Variants in CDK19 observed in about 807,000 individuals in gnomAD.
CDK19 encodes the protein cyclin-dependent kinase 19.
Under a neutral mutation model 68.3 loss-of-function variants are expected in CDK19, and 20 were observed. The ratio of observed to expected loss-of-function variants is 0.29; its 90% CI spans 0.21 to 0.43. The LOEUF (loss-of-function observed/expected upper bound fraction) is 0.43. Among genes scored for constraint, CDK19 ranks in the 20% least tolerant of loss-of-function variants. CDK19 has a pLI of 1.00. For synonymous variants in CDK19, 221 were observed against 222.8 expected (o/e 0.99, Z 0.07); for missense variants, 339 against 623.5 (o/e 0.54, Z 4.86).
intron 2 of CDK19, among the ~76,000 whole-genome samples, chr6:110,731,099 A>AGAAAAGAAAAGAAAG (rs1248148334): frequency 6.7e-6 from 1 of 148,404 alleles, no homozygotes; most frequent in Non-Finnish European, 1.5e-5. Context: ...GAAGGAAGAA[A>AGAAAAGAAAAGAAAG]GAAAAGAAAA....
At chr6:110,789,336 T>C (rs1449188537) in intron 1 of CDK19, among the ~76,000 whole-genome samples, 1 of 152,046 alleles carries the variant, frequency 6.6e-6, no homozygotes, top group Non-Finnish European at 1.5e-5. Context: ...TGGAGTGCAG[T>C]GGCACAATCT....
chr6:110,660,213 T>G (rs1781534464), intron 4 of CDK19, among the ~76,000 whole-genome samples: 2 of 151,986 alleles, frequency 1.3e-5, no homozygotes, highest in Non-Finnish European at 2.9e-5. Flanking sequence ...GGAACTGGAG[T>G]GCATGGGTGC....
intron 2 of CDK19, among the ~76,000 whole-genome samples, chr6:110,697,570 AGAT>A (rs1327329155): frequency 1.3e-5 from 2 of 152,156 alleles, no homozygotes; most frequent in Admixed American, 6.5e-5. Context: ...AATATTGTGT[AGAT>A]GACCATATTG....
At chr6:110,632,730 CCT>C (rs1402717923) in intron 5 of CDK19, among the ~76,000 whole-genome samples, 1 of 151,946 alleles carries the variant, frequency 6.6e-6, no homozygotes, top group East Asian at 1.9e-4. Context: ...GACTCCATCC[CCT>C]GTCCCCCAAG....
intron 8 of CDK19, 124 bp from the exon 9 acceptor site, chr6:110,623,486 A>T: frequency 3.7e-6 from 5 of 1,350,472 alleles, no homozygotes; most frequent in Non-Finnish European, 4.9e-6. Flanking sequence ...TTTCTGAATA[A>T]GAAGAAACAC....
chr6:110,716,652 G>C (rs1453072235), intron 2 of CDK19, among the ~76,000 whole-genome samples: 1 of 152,022 alleles, frequency 6.6e-6, no homozygotes, highest in Non-Finnish European at 1.5e-5. Context: ...AATTCCTCAA[G>C]TTAAACATGA....
chr6:110,784,158 CAAAAAAAAA>C (rs1170140844), intron 1 of CDK19, among the ~76,000 whole-genome samples: 2 of 61,494 alleles, frequency 3.3e-5, no homozygotes, highest in Non-Finnish European at 6.7e-5. Flanking sequence ...GACTTCGTCT[CAAAAAAAAA>C]AAAAAAAAAA....
chr6:110,667,650 CA>C, intron 3 of CDK19, 76 bp from the exon 4 acceptor site: 3 of 699,574 alleles, frequency 4.3e-6, no homozygotes, highest in Non-Finnish European at 6.6e-6. Context: ...AATGCTGTAA[CA>C]AATGCTCTAT....
chr6:110,618,399 T>C (rs1370893541), intron 12 of CDK19, among the ~76,000 whole-genome samples: 1 of 152,198 alleles, frequency 6.6e-6, no homozygotes, highest in Non-Finnish European at 1.5e-5. Flanking sequence ...TCCCAAAGTG[T>C]TGGGATTACA....
rs553939582 is a variant in CDK19 at position 110,661,972 on chromosome 6, T to G, written c.456+5462A>C. ...ACATTTTATTTATTTATTTGTATTT[T>G]TATTTTTTGGGGGGGGAGACTGAGT... On this transcript the variant is annotated intron_variant, in intron 4 of 12. Coordinates refer to ENST00000368911, the MANE Select transcript of CDK19 (RefSeq NM_015076.5). Among the ~76,000 whole-genome samples, 34 of 140,620 alleles carry G rather than the reference T, an allele frequency of 2.4e-4. 1 individual carries two copies. In the East Asian group the frequency reaches 6.5e-3, roughly 27 times the overall value. The allele number at this position is 140,620 out of a possible 152,430, so 92.3% of individuals were successfully genotyped here. A position where few individuals can be genotyped will look rare whatever the true frequency, so the allele number is the denominator to read the frequency against.
intron 2 of CDK19, among the ~76,000 whole-genome samples, chr6:110,696,189 T>G (rs1773468079): frequency 6.6e-6 from 1 of 152,188 alleles, no homozygotes; most frequent in Non-Finnish European, 1.5e-5. Context: ...AGGGATGGTT[T>G]AACATATGCA....
intron 2 of CDK19, among the ~76,000 whole-genome samples, chr6:110,690,662 A>G (rs1772909022): frequency 6.6e-6 from 1 of 152,216 alleles, no homozygotes. Flanking sequence ...GACCACTGCC[A>G]TTCCAACCCT....
rs770195788 is a variant in CDK19 at position 110,753,469 on chromosome 6, G to A, written c.129-7268C>T. ...CGCGATCATGGCTCACTACAGCCTC[G>A]ACCTCCCAGACTCAAGCAATCCTCT... On this transcript the variant is annotated intron_variant, in intron 1 of 12. Coordinates refer to ENST00000368911, the MANE Select transcript of CDK19 (RefSeq NM_015076.5). 1.0e-4 allele frequency among the ~76,000 whole-genome samples: 15 copies of A among 150,572 alleles called. 1 individual carries two copies. Among genetic ancestry groups the A allele is most frequent in the South Asian group, 6.3e-4 (3 of 4,744 alleles).
intron 4 of CDK19, among the ~76,000 whole-genome samples, chr6:110,665,832 C>A (rs1169205222): frequency 6.6e-6 from 1 of 152,118 alleles, no homozygotes; most frequent in African/African-American, 2.4e-5. Context: ...GCAACCTCCA[C>A]CTCCCAGGCT....
intron 1 of CDK19, among the ~76,000 whole-genome samples, chr6:110,770,649 G>A (rs1779952986): frequency 6.6e-6 from 1 of 152,086 alleles, no homozygotes; most frequent in Admixed American, 6.6e-5. Context: ...AACCAATCAT[G>A]CCTTCCCAAG....
At chr6:110,679,887 T>C (rs1771866423) in intron 2 of CDK19, among the ~76,000 whole-genome samples, 1 of 152,216 alleles carries the variant, frequency 6.6e-6, no homozygotes, top group South Asian at 2.1e-4. Context: ...GTTGACTTTA[T>C]ATCTCCAATG....
At chr6:110,702,926 A>T (rs1160617274) in intron 2 of CDK19, among the ~76,000 whole-genome samples, 1 of 152,182 alleles carries the variant, frequency 6.6e-6, no homozygotes, top group African/African-American at 2.4e-5. Context: ...AACAAATAGC[A>T]ATTGTGATAT....
intron 12 of CDK19, among the ~76,000 whole-genome samples, chr6:110,617,223 T>A (rs1404178252): frequency 6.6e-6 from 1 of 152,160 alleles, no homozygotes; most frequent in African/African-American, 2.4e-5. Context: ...AATATTACTC[T>A]AACTTCCCCC....
At chr6:110,673,160 T>A (rs1380757025) in intron 2 of CDK19, among the ~76,000 whole-genome samples, 1 of 152,184 alleles carries the variant, frequency 6.6e-6, no homozygotes, top group Non-Finnish European at 1.5e-5. Context: ...AATTTGACTG[T>A]TCTTGGTATG....
Sources: gnomAD v4.1 joint callset for allele counts (sites outside exome capture counted in the v4.1 genomes callset) on GRCh38, gnomAD v4.1.1 for gene constraint, MANE v1.5 for transcripts, NCBI Gene and HGNC (gene_info 2026-07-23, HGNC 2026-07-21) for gene names.